Variants in PXT1 observed in about 807,000 individuals in gnomAD.
The protein encoded by PXT1 is peroxisomal testis enriched protein 1.
In PXT1, 11 loss-of-function variants were observed where a neutral mutation model predicts 11.0. The observed-to-expected ratio is 1.00, with a 90% CI of 0.63 to 1.66. The LOEUF is 1.66. Ranked by LOEUF, PXT1 falls within the 40% of genes most tolerant of loss-of-function variation. The pLI is 0.00. For synonymous variants in PXT1, 43 were observed against 51.4 expected (o/e 0.84, Z 0.70); for missense variants, 141 against 155.5 (o/e 0.91, Z 0.49).
At chr6:36,416,152 T>C (rs1774443618) in intron 3 of PXT1, among the ~76,000 whole-genome samples, 2 of 149,076 alleles carry the variant, frequency 1.3e-5, no homozygotes, top group African/African-American at 2.5e-5. Flanking sequence ...CTGGGCAATA[T>C]AGACCAAGAC....
chr6:36,421,736 C>T (rs1372044977), intron 3 of PXT1, among the ~76,000 whole-genome samples: 1 of 152,178 alleles, frequency 6.6e-6, no homozygotes, highest in Non-Finnish European at 1.5e-5. Context: ...TCTGGAATAG[C>T]TGGGATTACA....
intron 3 of PXT1, among the ~76,000 whole-genome samples, chr6:36,404,143 C>T (rs370407532): frequency 3.9e-5 from 6 of 151,994 alleles, no homozygotes; most frequent in East Asian, 1.9e-4. Context: ...AAAAGGGAAC[C>T]AGGAAAATGA....
chr6:36,422,693 G>C (rs1485696995), intron 3 of PXT1, among the ~76,000 whole-genome samples: 1 of 152,076 alleles, frequency 6.6e-6, no homozygotes, highest in Non-Finnish European at 1.5e-5. Context: ...GGGTTGGTGA[G>C]CCATCGAGGC....
intron 2 of PXT1, among the ~76,000 whole-genome samples, chr6:36,434,252 A>T (rs1238052722): frequency 6.6e-6 from 1 of 152,164 alleles, no homozygotes; most frequent in Non-Finnish European, 1.5e-5. Context: ...CCAGGATGAA[A>T]AGGCCCAGCA....
intron 4 of PXT1, 23 bp from the exon 5 acceptor site, chr6:36,391,897 A>T: frequency 7.1e-7 from 1 of 1,400,196 alleles, no homozygotes; most frequent in Admixed American, 2.4e-5. Flanking sequence ...AGGGAGACAC[A>T]GAGAAAGGTT....
intron 3 of PXT1, among the ~76,000 whole-genome samples, chr6:36,417,850 C>T (rs1484157847): frequency 6.6e-6 from 1 of 151,504 alleles, no homozygotes. Flanking sequence ...ATTTAGAACA[C>T]TGGTTTGGTT....
intron 2 of PXT1, among the ~76,000 whole-genome samples, chr6:36,437,967 C>T (rs868553078): frequency 6.6e-6 from 1 of 151,478 alleles, no homozygotes. Flanking sequence ...TTACAGGAAC[C>T]TGCCACCACG....
At chr6:36,429,889 C>T (rs1187079023) in intron 2 of PXT1, among the ~76,000 whole-genome samples, 2 of 151,646 alleles carry the variant, frequency 1.3e-5, no homozygotes, top group Non-Finnish European at 2.9e-5. Context: ...TGATATAAAG[C>T]TTAAAATACA....
intron 3 of PXT1, among the ~76,000 whole-genome samples, chr6:36,420,192 T>A (rs2127415217): frequency 6.6e-6 from 1 of 152,324 alleles, no homozygotes; most frequent in South Asian, 2.1e-4. Context: ...TATCTATCTA[T>A]CAATCAAATT....
intron 3 of PXT1, among the ~76,000 whole-genome samples, chr6:36,405,425 C>T (rs551629361): frequency 2.6e-5 from 4 of 151,616 alleles, no homozygotes; most frequent in Middle Eastern, 3.4e-3. Context: ...GTTGCCCAGG[C>T]TGCAGTACAA....
chr6:36,425,514 G>A (rs1774588953), intron 3 of PXT1, among the ~76,000 whole-genome samples: 1 of 152,074 alleles, frequency 6.6e-6, no homozygotes, highest in South Asian at 2.1e-4. Context: ...GTTGGGCACG[G>A]TGGCTCACGC....
At chr6:36,419,673 A>T (rs1022389559) in intron 3 of PXT1, among the ~76,000 whole-genome samples, 2 of 152,198 alleles carry the variant, frequency 1.3e-5, no homozygotes, top group Non-Finnish European at 2.9e-5. Flanking sequence ...ATATTTGTTG[A>T]TTAGGTTAGG....
chr6:36,403,714 A>G (rs143782238), intron 3 of PXT1, among the ~76,000 whole-genome samples: 1,968 of 152,212 alleles, frequency 0.013, 44 homozygotes, highest in African/African-American at 0.045. Context: ...CCAAAAATAC[A>G]AAAAATTAGC....
At chr6:36,399,240 G>T (rs1255250060) in intron 4 of PXT1, among the ~76,000 whole-genome samples, 2 of 152,056 alleles carry the variant, frequency 1.3e-5, no homozygotes, top group Non-Finnish European at 2.9e-5. Context: ...CTGCCTCCCA[G>T]GTTTAAGAGA....
intron 3 of PXT1, among the ~76,000 whole-genome samples, chr6:36,423,554 G>A (rs996765941): frequency 3.3e-5 from 5 of 152,248 alleles, no homozygotes; most frequent in Non-Finnish European, 7.3e-5. Flanking sequence ...GGGAGGCCGG[G>A]TTCCCGAATT....
chr6:36,425,142 G>C (rs1006675619), intron 3 of PXT1, among the ~76,000 whole-genome samples: 1 of 152,042 alleles, frequency 6.6e-6, no homozygotes, highest in Admixed American at 6.6e-5. Flanking sequence ...TAATTTTCCA[G>C]CATTCTGGGG....
chr6:36,408,261 CTTT>C (rs752205780), intron 3 of PXT1, among the ~76,000 whole-genome samples: 14 of 137,246 alleles, frequency 1.0e-4, no homozygotes, highest in South Asian at 4.7e-4. Flanking sequence ...CACGCCCAGC[CTTT>C]TTTTTTTTTT....
At chr6:36,442,036 C>G (rs987957405) in intron 1 of PXT1, among the ~76,000 whole-genome samples, 1 of 151,894 alleles carries the variant, frequency 6.6e-6, no homozygotes, top group African/African-American at 2.4e-5. Flanking sequence ...AAATAGTTTG[C>G]ATAATCAGTA....
intron 3 of PXT1, among the ~76,000 whole-genome samples, chr6:36,408,209 G>A (rs12200327): frequency 0.035 from 5,297 of 150,354 alleles, 144 homozygotes; most frequent in Non-Finnish European, 0.052. Context: ...TGTTCCACCC[G>A]CCTCAGGCTC....
Sources: allele counts gnomAD v4.1 joint callset (sites outside exome capture counted in the v4.1 genomes callset), GRCh38; gene constraint gnomAD v4.1.1; transcripts MANE v1.5; gene names NCBI Gene and HGNC (gene_info 2026-07-23, HGNC 2026-07-21).